Variants in KCNQ3 observed in about 807,000 individuals in gnomAD.
KCNQ3 encodes the protein potassium voltage-gated channel subfamily Q member 3.
KCNQ3 carries 30 observed loss-of-function variants against 92.5 expected under a neutral mutation model. That is an observed-to-expected ratio of 0.32 (90% CI 0.24 to 0.44). KCNQ3 has a LOEUF of 0.44. Among genes scored for constraint, KCNQ3 ranks in the 20% least tolerant of loss-of-function variants. KCNQ3 has a pLI of 1.00. For synonymous variants in KCNQ3, 450 were observed against 468.8 expected, an observed-to-expected ratio of 0.96 and a Z score of 0.52; for missense variants, 913 against 1,140.3, an observed-to-expected ratio of 0.80 and a Z score of 2.87.
intron 1 of KCNQ3, among the ~76,000 whole-genome samples, chr8:132,334,376 G>A (rs1306234176): frequency 6.6e-6 from 1 of 151,940 alleles, no homozygotes; most frequent in Admixed American, 6.5e-5. Context: ...AGGGGGCTGA[G>A]GCAGGAGAAT....
chr8:132,457,739 C>T (rs1821974528), intron 1 of KCNQ3, among the ~76,000 whole-genome samples: 1 of 152,164 alleles, frequency 6.6e-6, no homozygotes, highest in African/African-American at 2.4e-5. Context: ...TTAGCATTAC[C>T]CTTACCATCA....
intron 1 of KCNQ3, among the ~76,000 whole-genome samples, chr8:132,327,535 C>T (rs978795405): frequency 2.6e-5 from 4 of 152,124 alleles, no homozygotes; most frequent in Non-Finnish European, 1.5e-5. Flanking sequence ...TCCACTAGAA[C>T]TCTCATTCAG....
intron 1 of KCNQ3, among the ~76,000 whole-genome samples, chr8:132,234,892 T>A (rs1411532910): frequency 6.6e-6 from 1 of 152,184 alleles, no homozygotes; most frequent in Non-Finnish European, 1.5e-5. Flanking sequence ...CCTGGGCTGC[T>A]GCAGGGTCTT....
intron 1 of KCNQ3, among the ~76,000 whole-genome samples, chr8:132,212,684 G>T (rs903788895): frequency 6.6e-6 from 1 of 151,976 alleles, no homozygotes; most frequent in African/African-American, 2.4e-5. Context: ...GAAGACTCAG[G>T]CACCCCGCCA....
At chr8:132,383,229 G>A (rs1563888395) in intron 1 of KCNQ3, among the ~76,000 whole-genome samples, 1 of 152,216 alleles carries the variant, frequency 6.6e-6, no homozygotes, top group Non-Finnish European at 1.5e-5. Flanking sequence ...AGAAGGCACA[G>A]GTTACAGAGG....
Position 132,480,348 on chromosome 8 carries a change from T to A in KCNQ3, c.185A>T (p.Asp62Val). ...CTCCAGCAGCAGGGTCCCGTCTTTGTCGGCTCCGGCCCCGAGCGCCAAGGT... is the reference window on the plus strand; with the variant it reads ...CTCCAGCAGCAGGGTCCCGTCTTTGACGGCTCCGGCCCCGAGCGCCAAGGT... The part of the protein sequence containing the change: ...QVTLALGAGA[D>V]KDGTLLLEGG... Residue 62 changes from aspartate (D) to valine (V), a missense_variant, in exon 1 of 15, where the codon GAC becomes GTC. Asp to Val is a radical substitution (Grantham distance 152, BLOSUM62 -3). Around this residue, in one of 6 missense-constraint regions of KCNQ3, gnomAD observed 183 missense variants for 167.7 expected, o/e 1.09. Transcript: ENST00000388996. 1 of 1,595,554 alleles carries A rather than the reference T, an allele frequency of 6.3e-7. No individual in the cohort carries two copies. The highest frequency in any genetic ancestry group is 8.5e-7 in the Non-Finnish European group (1 of 1,174,866).
At chr8:132,319,289 C>T (rs533274250) in intron 1 of KCNQ3, among the ~76,000 whole-genome samples, 7 of 152,168 alleles carry the variant, frequency 4.6e-5, no homozygotes, top group Non-Finnish European at 1.0e-4. Flanking sequence ...GATCACTCAT[C>T]TGACCCAATG....
intron 1 of KCNQ3, among the ~76,000 whole-genome samples, chr8:132,457,558 C>T (rs1468473759): frequency 6.6e-6 from 1 of 152,206 alleles, no homozygotes; most frequent in African/African-American, 2.4e-5. Flanking sequence ...TGACTCCCTT[C>T]TGCCTTCACC....
chr8:132,393,952 C>T (rs1820118486), intron 1 of KCNQ3, among the ~76,000 whole-genome samples: 1 of 152,188 alleles, frequency 6.6e-6, no homozygotes, highest in South Asian at 2.1e-4. Flanking sequence ...ACTCATCTGC[C>T]AGCCAGGGTT....
intron 1 of KCNQ3, among the ~76,000 whole-genome samples, chr8:132,410,016 C>A (rs1035037202): frequency 6.6e-6 from 1 of 152,142 alleles, no homozygotes; most frequent in Non-Finnish European, 1.5e-5. Context: ...GTAGTCCCAG[C>A]TACTCAGGAG....
rs142598049 is a variant in KCNQ3 at position 132,467,773 on chromosome 8, C to G, written c.386+12374G>C. Among the ~76,000 whole-genome samples the G allele has an allele frequency of 5.0e-4, 76 of 152,318 alleles. 1 individual carries two copies. In the East Asian group the frequency reaches 0.012, roughly 23 times the overall value. On this transcript the variant is annotated intron_variant, in intron 1 of 14. Coordinates refer to ENST00000388996, the MANE Select transcript of KCNQ3 (RefSeq NM_004519.4). ...TCTGAGATAAAGTGAAAGACCCCAT[C>G]AAGCAAAACTATACTTCGGACAGGA...
chr8:132,146,702 C>T (rs1032424594), intron 9 of KCNQ3, among the ~76,000 whole-genome samples: 1 of 151,898 alleles, frequency 6.6e-6, no homozygotes, highest in African/African-American at 2.4e-5. Flanking sequence ...AAGCGATTCT[C>T]CTCAGCCTCC....
intron 1 of KCNQ3, among the ~76,000 whole-genome samples, chr8:132,332,828 C>T (rs941135511): frequency 5.3e-5 from 8 of 152,204 alleles, no homozygotes; most frequent in African/African-American, 1.9e-4. Flanking sequence ...CTCAGTCTAG[C>T]TGGACACCTC....
chr8:132,225,705 A>G (rs1016174286), intron 1 of KCNQ3, among the ~76,000 whole-genome samples: 4 of 152,206 alleles, frequency 2.6e-5, no homozygotes, highest in African/African-American at 4.8e-5. Flanking sequence ...GGCAAATGCT[A>G]TGAATCAGGA....
chr8:132,377,675 C>CGG (rs1230712761), intron 1 of KCNQ3, among the ~76,000 whole-genome samples: 1 of 152,168 alleles, frequency 6.6e-6, no homozygotes, highest in Non-Finnish European at 1.5e-5. Context: ...CAAGGCTAAG[C>CGG]ACAGTGATAG....
At chr8:132,255,489 A>T (rs773540747) in intron 1 of KCNQ3, among the ~76,000 whole-genome samples, 11 of 152,220 alleles carry the variant, frequency 7.2e-5, no homozygotes, top group Non-Finnish European at 1.2e-4. Context: ...TATTCCTGGG[A>T]ACCTAGAAAA....
intron 1 of KCNQ3, among the ~76,000 whole-genome samples, chr8:132,327,638 A>C (rs1818097938): frequency 6.6e-6 from 1 of 152,032 alleles, no homozygotes; most frequent in African/African-American, 2.4e-5. Context: ...ACAACTGAGC[A>C]CCCAGGACCC....
intron 1 of KCNQ3, among the ~76,000 whole-genome samples, chr8:132,269,666 G>A (rs934272869): frequency 2.0e-5 from 3 of 152,132 alleles, no homozygotes; most frequent in East Asian, 1.9e-4. Flanking sequence ...AGAAATTACC[G>A]TGTAGTTTAA....
chr8:132,142,255 A>G (rs900367911), intron 9 of KCNQ3, among the ~76,000 whole-genome samples: 1 of 152,212 alleles, frequency 6.6e-6, no homozygotes, highest in African/African-American at 2.4e-5. Flanking sequence ...AATGGTTAAT[A>G]ATGCCAATAT....
Sources: gnomAD v4.1 joint callset for allele counts (sites outside exome capture counted in the v4.1 genomes callset) on GRCh38, gnomAD v4.1.1 for gene constraint, gnomAD v4.1.1 regional missense constraint, MANE v1.5 for transcripts, NCBI Gene and HGNC (gene_info 2026-07-23, HGNC 2026-07-21) for gene names.